CTNND2: variants seen among roughly 807,000 people sequenced by gnomAD.
The protein encoded by CTNND2 is catenin delta-2.
Under a neutral mutation model 144.4 loss-of-function variants are expected in CTNND2, and 22 were observed. The ratio of observed to expected loss-of-function variants is 0.15; its 90% CI spans 0.11 to 0.22. The LOEUF is 0.22. Among genes scored for constraint, CTNND2 ranks in the 10% least tolerant of loss-of-function variants. The pLI is 1.00. For synonymous variants in CTNND2, 751 were observed against 695.6 expected (o/e 1.08, Z -1.25); for missense variants, 1,353 against 1,618.8 (o/e 0.84, Z 2.82).
intron 2 of CTNND2, among the ~76,000 whole-genome samples, chr5:11,706,071 A>T (rs1042798510): frequency 6.6e-6 from 1 of 152,168 alleles, no homozygotes; most frequent in African/African-American, 2.4e-5. Context: ...GCCAGACAGT[A>T]TCCCAGGCCC....
intron 12 of CTNND2, among the ~76,000 whole-genome samples, chr5:11,128,777 A>AT (rs1491571425): frequency 2.5e-5 from 1 of 39,446 alleles, no homozygotes; most frequent in Non-Finnish European, 4.7e-5. Context: ...TATTATATAT[A>AT]AAATATATAA....
Position 11,694,105 on chromosome 5 carries a change from T to C in CTNND2, c.174+38031A>G, listed in dbSNP as rs60178658. ...ATTAGATAACAAATCAGCATTACCA[T>C]TGAGGGCTATTTTAAACAATGAAAT... On this transcript the variant is annotated intron_variant, in intron 2 of 21. Coordinates refer to ENST00000304623, the MANE Select transcript of CTNND2 (RefSeq NM_001332.4). Among the ~76,000 whole-genome samples, 3,313 of 152,168 alleles carry C rather than the reference T, an allele frequency of 0.022. 237 individuals are homozygous for C. In the East Asian group the frequency reaches 0.29, roughly 13 times the overall value.
chr5:11,423,533 G>A (rs1349794319), intron 3 of CTNND2, among the ~76,000 whole-genome samples: 6 of 152,174 alleles, frequency 3.9e-5, no homozygotes, highest in Non-Finnish European at 2.9e-5. Context: ...AGTTAAGGCA[G>A]CTCTTTAATT....
At chr5:11,648,037 G>A (rs1392044855) in intron 2 of CTNND2, among the ~76,000 whole-genome samples, 1 of 151,960 alleles carries the variant, frequency 6.6e-6, no homozygotes. Flanking sequence ...TGTTAAATCT[G>A]GATTTAGTAC....
intron 3 of CTNND2, among the ~76,000 whole-genome samples, chr5:11,415,698 G>A (rs372883636): frequency 2.2e-4 from 34 of 152,018 alleles, no homozygotes; most frequent in African/African-American, 8.2e-4. Context: ...TATGAGTGAG[G>A]GTGTCAATGA....
At chr5:11,902,316 C>A (rs1737971474) in intron 1 of CTNND2, among the ~76,000 whole-genome samples, 1 of 152,138 alleles carries the variant, frequency 6.6e-6, no homozygotes, top group African/African-American at 2.4e-5. Context: ...TTTGAGGATA[C>A]TCGCCCCTAT....
intron 2 of CTNND2, among the ~76,000 whole-genome samples, chr5:11,694,367 G>A (rs1395544124): frequency 2.6e-5 from 4 of 151,650 alleles, no homozygotes; most frequent in Admixed American, 6.6e-5. Context: ...CCCGGGAGGC[G>A]GAGCTTGCAG....
chr5:11,587,585 C>T (rs1778957676), intron 2 of CTNND2, among the ~76,000 whole-genome samples: 1 of 152,032 alleles, frequency 6.6e-6, no homozygotes, highest in South Asian at 2.1e-4. Context: ...TAGTTTATAA[C>T]TTACAAAGTC....
chr5:11,192,052 CT>C (rs1350437356), intron 11 of CTNND2, among the ~76,000 whole-genome samples: 9 of 152,322 alleles, frequency 5.9e-5, no homozygotes, highest in Non-Finnish European at 1.3e-4. Flanking sequence ...ATCTACAGTG[CT>C]TCTGCCTCCC....
chr5:11,572,471 G>A (rs1777638132), intron 2 of CTNND2, among the ~76,000 whole-genome samples: 1 of 152,076 alleles, frequency 6.6e-6, no homozygotes, highest in African/African-American at 2.4e-5. Context: ...GCATTTTGTT[G>A]ACTACTCAAC....
chr5:11,708,595 C>T (rs566165399), intron 2 of CTNND2, among the ~76,000 whole-genome samples: 12 of 151,910 alleles, frequency 7.9e-5, no homozygotes, highest in Admixed American at 4.6e-4. Flanking sequence ...TCTTGCTTGG[C>T]GAGTCTGGGA....
At chr5:11,106,767 T>A (rs899764223) in intron 14 of CTNND2, among the ~76,000 whole-genome samples, 2 of 152,192 alleles carry the variant, frequency 1.3e-5, no homozygotes, top group Non-Finnish European at 2.9e-5. Context: ...AGGGTCATAG[T>A]TGTCACAAAA....
At chr5:11,239,989 G>A (rs540337531) in intron 9 of CTNND2, among the ~76,000 whole-genome samples, 2 of 152,218 alleles carry the variant, frequency 1.3e-5, no homozygotes, top group South Asian at 4.1e-4. Flanking sequence ...CCACATAAAC[G>A]TGTTTTGAAA....
At chr5:11,149,249 C>T (rs1446257650) in intron 12 of CTNND2, among the ~76,000 whole-genome samples, 5 of 152,252 alleles carry the variant, frequency 3.3e-5, no homozygotes, top group African/African-American at 9.6e-5. Flanking sequence ...GAGCAGTCAG[C>T]ACCCATCACG....
chr5:11,172,397 CTTCA>C (rs1760023794), intron 11 of CTNND2, among the ~76,000 whole-genome samples: 1 of 152,200 alleles, frequency 6.6e-6, no homozygotes, highest in Non-Finnish European at 1.5e-5. Flanking sequence ...GACTGAACAA[CTTCA>C]TTCATTTATT....
chr5:11,579,358 G>A (rs887891653), intron 2 of CTNND2, among the ~76,000 whole-genome samples: 5 of 152,048 alleles, frequency 3.3e-5, no homozygotes, highest in East Asian at 1.9e-4. Context: ...GCCATCACCC[G>A]TCTACATTGC....
chr5:11,735,280 G>A (rs191804934), intron 1 of CTNND2, among the ~76,000 whole-genome samples: 3 of 152,250 alleles, frequency 2.0e-5, no homozygotes, highest in East Asian at 1.9e-4. Flanking sequence ...TTTCTTATTC[G>A]ATCAAGTCTC....
intron 10 of CTNND2, among the ~76,000 whole-genome samples, chr5:11,220,616 G>A (rs965212079): frequency 5.9e-5 from 9 of 152,150 alleles, no homozygotes; most frequent in Admixed American, 5.2e-4. Context: ...CCATTCCAAA[G>A]CTTGAAAGGA....
chr5:11,879,339 GTGTATATA>G (rs1735803190), intron 1 of CTNND2, among the ~76,000 whole-genome samples: 2 of 100,964 alleles, frequency 2.0e-5, no homozygotes, highest in African/African-American at 6.7e-5. Flanking sequence ...AATTAAATGT[GTGTATATA>G]TATATATATA....
Sources: gnomAD v4.1 joint callset for allele counts (sites outside exome capture counted in the v4.1 genomes callset) on GRCh38, gnomAD v4.1.1 for gene constraint, MANE v1.5 for transcripts, NCBI Gene and HGNC (gene_info 2026-07-23, HGNC 2026-07-21) for gene names.